The following ABI3BP variants were observed in gnomAD, a reference collection of about 807,000 sequenced individuals.
ABI3BP encodes target of Nesh-SH3.
A neutral mutation model predicts 268.6 loss-of-function variants in ABI3BP; 216 were observed. That is an observed-to-expected ratio of 0.80 (90% confidence interval 0.72 to 0.90). The LOEUF is 0.90. Among genes scored for constraint, ABI3BP ranks in the 40% least tolerant of loss-of-function variants. The pLI, the probability that ABI3BP is intolerant of heterozygous loss-of-function variation, is 0.00. For missense variants in ABI3BP, 2,090 were observed against 2,182.4 expected, an observed-to-expected ratio of 0.96 and a Z score of 0.84; for synonymous variants, 730 against 730.0, an observed-to-expected ratio of 1.00 and a Z score of 0.00.
intron 9 of ABI3BP, among the ~76,000 whole-genome samples, chr3:100,867,598 G>A (rs1234743421): frequency 7.8e-6 from 1 of 128,608 alleles, no homozygotes; most frequent in Non-Finnish European, 1.5e-5. Flanking sequence ...CCGAGATCAC[G>A]CCATTGCACT....
At position 100,750,591 on chromosome 3, in the gene ABI3BP, G is replaced by A; in HGVS notation, c.5265C>T (p.Arg1755=). 1 of 1,612,490 alleles carries A rather than the reference G, an allele frequency of 6.2e-7. No homozygotes were observed. The highest frequency in any genetic ancestry group is 1.1e-5 in the South Asian group (1 of 90,954). ...PIKEGYFRAV[R]QEPVQFGEIG... ...TTTCTCCAAATTGGACAGGTTCCTG[G>A]CGAACTGCTCTGAAATAACCTGAGA... is the stretch of plus-strand genomic sequence containing the variant. Residue 1755 remains arginine (R), a synonymous_variant, in exon 68 of 68, where the codon CGC becomes CGT. Transcript: ENST00000471714.
intron 63 of ABI3BP, among the ~76,000 whole-genome samples, chr3:100,762,971 T>C (rs2096058285): frequency 6.6e-6 from 1 of 152,196 alleles, no homozygotes; most frequent in African/African-American, 2.4e-5. Context: ...GGCCAAATCA[T>C]TTATATGAAA....
At chr3:100,751,526 CT>C in intron 67 of ABI3BP, 25 bp downstream of exon 67, 1 of 1,557,912 alleles carries the variant, frequency 6.4e-7, no homozygotes, top group Admixed American at 1.9e-5. Flanking sequence ...AAACTCTGTT[CT>C]TATGAGGAGG....
chr3:100,865,960 C>G (rs1194072806), intron 10 of ABI3BP, among the ~76,000 whole-genome samples: 2 of 152,186 alleles, frequency 1.3e-5, no homozygotes, highest in African/African-American at 4.8e-5. Flanking sequence ...ATGAAAGGTT[C>G]ATCTCTTTTC....
At chr3:100,924,632 A>C (rs1219268744) in intron 2 of ABI3BP, among the ~76,000 whole-genome samples, 1 of 152,156 alleles carries the variant, frequency 6.6e-6, no homozygotes, top group Non-Finnish European at 1.5e-5. Flanking sequence ...TGTAATAAAA[A>C]ACTTTAAAGA....
chr3:100,916,051 T>C (rs1308341766), intron 2 of ABI3BP, among the ~76,000 whole-genome samples: 1 of 152,376 alleles, frequency 6.6e-6, no homozygotes, highest in Non-Finnish European at 1.5e-5. Context: ...GCCCGTGTTT[T>C]ATATGTGCAC....
chr3:100,812,175 T>C (rs765667950), intron 46 of ABI3BP, among the ~76,000 whole-genome samples: 3 of 152,102 alleles, frequency 2.0e-5, no homozygotes, highest in Non-Finnish European at 2.9e-5. Context: ...CTAAAAGTGA[T>C]ATGAAAATGA....
chr3:100,863,099 G>C (rs993800022), intron 12 of ABI3BP, 190 bp from the exon 13 acceptor site: 6 of 552,856 alleles, frequency 1.1e-5, no homozygotes, highest in African/African-American at 7.6e-5. Flanking sequence ...GTTTTTTATA[G>C]TTAAGTGACT....
intron 57 of ABI3BP, among the ~76,000 whole-genome samples, chr3:100,783,159 T>C (rs561461464): frequency 1.3e-5 from 2 of 152,168 alleles, no homozygotes; most frequent in East Asian, 3.9e-4. Flanking sequence ...AAAGGGGTGA[T>C]ATTTATGGAT....
At position 100,875,560 on chromosome 3, in the gene ABI3BP, G is replaced by C. The variant is rs754941790; in HGVS notation, c.765C>G (p.His255Gln). The C allele has an allele frequency of 1.9e-6, 3 of 1,613,112 alleles. No individual in the cohort carries two copies. The highest frequency in any genetic ancestry group is 2.2e-5 in the South Asian group (2 of 91,068). Residue 255 changes from histidine (H) to glutamine (Q), a missense_variant, in exon 8 of 68, where the codon CAC (histidine) becomes CAG (glutamine). His to Gln is a conservative substitution (Grantham distance 24). Transcript: ENST00000471714. ...TTTCTGGGGATTTAGCTGAATCCTT[G>C]TGAGTAACATTCTGAATCACTGTTG... ...IIKQVIQNVT[H>Q]KDSAKSPEKA...
At chr3:100,843,401 AGTGTGT>A (rs58147308) in intron 20 of ABI3BP, among the ~76,000 whole-genome samples, 6 of 148,992 alleles carry the variant, frequency 4.0e-5, no homozygotes, top group African/African-American at 9.9e-5. Context: ...AAAAATTCTG[AGTGTGT>A]GTGTGTGTGT....
chr3:100,873,679 T>A (rs1228843889), intron 9 of ABI3BP, among the ~76,000 whole-genome samples: 2 of 152,098 alleles, frequency 1.3e-5, no homozygotes, highest in African/African-American at 4.8e-5. Flanking sequence ...TTCTTCTGCC[T>A]CTCTCTCAGC....
At position 100,941,496 on chromosome 3, in the gene ABI3BP, A is replaced by T. The variant is rs545212679; in HGVS notation, c.80-15015T>A. On this transcript the variant is annotated intron_variant, in intron 1 of 67. Transcript: ENST00000471714. Reference sequence around the variant, plus strand: ...ACTTTACAAAAAGTCCAAGGGGGAAAATCTTCACTTCCTAATGGGGCACTT... The same window carrying T: ...ACTTTACAAAAAGTCCAAGGGGGAATATCTTCACTTCCTAATGGGGCACTT... Among the ~76,000 whole-genome samples the T allele has an allele frequency of 3.3e-5, 5 of 152,258 alleles. No individual in the cohort carries two copies. The South Asian group carries it at 8.3e-4, about 25-fold the overall frequency.
chr3:100,870,218 C>A (rs1451546303), intron 9 of ABI3BP, among the ~76,000 whole-genome samples: 2 of 152,008 alleles, frequency 1.3e-5, no homozygotes, highest in African/African-American at 4.8e-5. Flanking sequence ...AAGCAATAAA[C>A]AAAATGAAAA....
At chr3:100,809,399 C>T (rs73152466) in intron 49 of ABI3BP, among the ~76,000 whole-genome samples, 21,036 of 151,926 alleles carry the variant, frequency 0.14, 1,892 homozygotes, top group South Asian at 0.27. Flanking sequence ...AGAAAGACCA[C>T]CTGAAGGTTA....
chr3:100,873,248 C>T (rs1229553972), intron 9 of ABI3BP, among the ~76,000 whole-genome samples: 1 of 152,076 alleles, frequency 6.6e-6, no homozygotes, highest in African/African-American at 2.4e-5. Context: ...GAAGAGATAG[C>T]AATTTCTTTT....
At chr3:100,867,022 T>A in intron 9 of ABI3BP, 66 bp from the exon 10 acceptor site, 3 of 1,216,696 alleles carry the variant, frequency 2.5e-6, no homozygotes, top group Middle Eastern at 1.9e-4. Flanking sequence ...CCTCAATGCA[T>A]AATCAAGTAG....
chr3:100,817,897 G>A (rs2098106501), intron 41 of ABI3BP, among the ~76,000 whole-genome samples: 1 of 152,156 alleles, frequency 6.6e-6, no homozygotes, highest in Non-Finnish European at 1.5e-5. Context: ...ACAATAAAGA[G>A]TTCATATGTA....
At chr3:100,787,618 T>C in intron 57 of ABI3BP, 110 bp downstream of exon 57, 1 of 966,796 alleles carries the variant, frequency 1.0e-6, no homozygotes, top group East Asian at 2.8e-5. Flanking sequence ...ACTAAGAACT[T>C]TAAAAACTGG....
Sources: gnomAD v4.1 joint callset for allele counts (sites outside exome capture counted in the v4.1 genomes callset) on GRCh38, gnomAD v4.1.1 for gene constraint, MANE v1.5 for transcripts, NCBI Gene and HGNC (gene_info 2026-07-23, HGNC 2026-07-21) for gene names.